NF1: variants seen among roughly 807,000 people sequenced by gnomAD.
NF1 encodes neurofibromin 1.
Under a neutral mutation model 325.7 loss-of-function variants are expected in NF1, and 122 were observed. The ratio of observed to expected loss-of-function variants is 0.37; its 90% confidence interval spans 0.32 to 0.44. The LOEUF is 0.44. Among genes scored for constraint, NF1 ranks in the 20% least tolerant of loss-of-function variants. The probability of loss-of-function intolerance (pLI) is 1.00; values close to 1 mark genes in which losing one functional copy is unlikely to be tolerated. For synonymous variants in NF1, 1,091 were observed against 1,186.0 expected, an observed-to-expected ratio of 0.92 and a Z score of 1.65; for missense variants, 2,140 against 3,415.4, an observed-to-expected ratio of 0.63 and a Z score of 9.31.
chr17:31,226,647 C>A lies in NF1; in HGVS notation c.2214C>A (p.Phe738Leu), dbSNP rs2151426083. 1 of 1,613,800 alleles carries A rather than the reference C, an allele frequency of 6.2e-7. No individual in the cohort carries two copies. Among genetic ancestry groups the A allele is most frequent in the Non-Finnish European group, 8.5e-7 (1 of 1,179,772 alleles). The change falls in exon 18 of 58, where the codon TTC (phenylalanine) becomes TTA (leucine). Residue 738 changes from phenylalanine (F) to leucine (L), a missense_variant. Phe to Leu is a conservative substitution (Grantham distance 22, BLOSUM62 0). Coordinates refer to ENST00000358273, the MANE Select transcript of NF1 (RefSeq NM_001042492.3). Reference sequence around the variant, plus strand: ...ACCTCTTGCCCAACTATAACACATTCATGGAGTTTGCCTCTGTCAGCAATA... The same window carrying A: ...ACCTCTTGCCCAACTATAACACATTAATGGAGTTTGCCTCTGTCAGCAATA... ...VHNLLPNYNTFMEFASVSNMM... is the reference protein window; with the variant it reads ...VHNLLPNYNTLMEFASVSNMM...
At chr17:31,160,286 C>T (rs905505310) in intron 3 of NF1, among the ~76,000 whole-genome samples, 2 of 152,094 alleles carry the variant, frequency 1.3e-5, no homozygotes, top group Admixed American at 6.6e-5. Flanking sequence ...TGGGGGTTCA[C>T]TATGTTGGTC....
chr17:31,122,506 C>T (rs926277055), intron 1 of NF1, among the ~76,000 whole-genome samples: 6 of 152,206 alleles, frequency 3.9e-5, no homozygotes, highest in African/African-American at 1.4e-4. Flanking sequence ...CAAATGCCCT[C>T]AACTGCTTTA....
At position 31,161,300 on chromosome 17, in the gene NF1, A is replaced by G. The variant is rs138085037; in HGVS notation, c.289-1886A>G. On this transcript the variant is annotated intron_variant, in intron 3 of 57. Coordinates refer to ENST00000358273, the MANE Select transcript of NF1 (RefSeq NM_001042492.3). Reference sequence around the variant, plus strand: ...GTTAGCCTATAAACAAGAAATAGGCATTGTAATGTGAATTCACAGGTTTTT... The same window carrying G: ...GTTAGCCTATAAACAAGAAATAGGCGTTGTAATGTGAATTCACAGGTTTTT... 3.5e-3 allele frequency among the ~76,000 whole-genome samples: 538 copies of G among 152,330 alleles called. 1 individual carries two copies. The highest frequency in any genetic ancestry group is 5.3e-3 in the Non-Finnish European group (359 of 68,022).
intron 8 of NF1, 75 bp downstream of exon 8, chr17:31,182,740 A>G (rs1437202305): frequency 7.2e-7 from 1 of 1,392,802 alleles, no homozygotes; most frequent in Non-Finnish European, 1.0e-6. Context: ...GTATTACTTT[A>G]GGCTTATTAT....
rs1438161746 is a variant in NF1, at chr17:31,225,107, A to C, written c.1858A>C (p.Ser620Arg). The change falls in exon 17 of 58, where the codon AGT becomes CGT. Residue 620 changes from serine to arginine, a missense_variant. By Grantham distance (110) the Ser-to-Arg change is moderately radical. Around this residue, in one of 10 missense-constraint regions of NF1, gnomAD observed 45 missense variants for 42.5 expected, o/e 1.06. Coordinates refer to ENST00000358273, the MANE Select transcript of NF1 (RefSeq NM_001042492.3). ...TATTTTTTTCTAGCAGGCAGATAGA[A>C]GTTCCTGTCACTTTCTCCTTTTTTA... ...FLLKNKQADR[S>R]SCHFLLFYGV... The C allele has an allele frequency of 6.2e-7, 1 of 1,613,710 alleles. No individual in the cohort carries two copies. The highest frequency in any genetic ancestry group is 1.1e-5 in the South Asian group (1 of 91,074).
chr17:31,109,946 C>T (rs1361210167), intron 1 of NF1, among the ~76,000 whole-genome samples: 2 of 152,024 alleles, frequency 1.3e-5, no homozygotes, highest in Non-Finnish European at 2.9e-5. Flanking sequence ...CTTATAAATA[C>T]TGAGCTGTGG....
At chr17:31,250,722 G>A (rs1027951222) in intron 30 of NF1, 1 of 189,606 alleles carries the variant, frequency 5.3e-6, no homozygotes, top group African/African-American at 2.3e-5. Flanking sequence ...TCCCACCTAA[G>A]TAAACAAGAT....
chr17:31,120,443 G>T (rs1452572637), intron 1 of NF1, among the ~76,000 whole-genome samples: 3 of 152,094 alleles, frequency 2.0e-5, no homozygotes, highest in African/African-American at 7.2e-5. Flanking sequence ...TGTGATTTTT[G>T]CACATTGATT....
At chr17:31,301,237 G>A (rs564617817) in intron 36 of NF1, among the ~76,000 whole-genome samples, 9 of 151,916 alleles carry the variant, frequency 5.9e-5, no homozygotes, top group Admixed American at 3.3e-4. Context: ...GTTTTTTCCC[G>A]CTTCCAGATT....
chr17:31,321,019 TAAAC>T (rs927182214), intron 36 of NF1: 2 of 152,154 alleles, frequency 1.3e-5, no homozygotes, highest in African/African-American at 2.4e-5. Context: ...AGTGCCCAAA[TAAAC>T]AAACTGTATG....
At position 31,156,090 on chromosome 17, in the gene NF1, C is replaced by T. The variant is rs17881168; in HGVS notation, c.168C>T (p.Ser56=). The T allele has an allele frequency of 0.019, 30,904 of 1,613,212 alleles. 328 individuals are homozygous for T. The highest frequency in any genetic ancestry group is 0.024 in the Non-Finnish European group (27,866 of 1,179,580). ...ISKYKFSLVI[S]GLTTILKNVN... is the part of the protein sequence containing the mutation. The stretch of plus-strand genomic sequence containing the variant: ...AATACAAGTTTTCTTTGGTTATAAG[C>T]GGCCTCACTACTATTTTAAAGAATG... The change falls in exon 2 of 58, where the codon AGC becomes AGT. Residue 56 remains serine (S), a synonymous_variant. Transcript: ENST00000358273.
chr17:31,242,109 A>C (rs1292471171), intron 29 of NF1, among the ~76,000 whole-genome samples: 1 of 151,346 alleles, frequency 6.6e-6, no homozygotes, highest in Non-Finnish European at 1.5e-5. Flanking sequence ...GGGGCCAGAC[A>C]TATTGGAGCT....
chr17:31,226,622 A>C lies in NF1; in HGVS notation c.2189A>C (p.Asn730Thr), dbSNP rs778033578. 3.7e-6 allele frequency: 6 copies of C among 1,613,800 alleles called. No homozygotes were observed. Among genetic ancestry groups the C allele is most frequent in the Non-Finnish European group, 5.1e-6 (6 of 1,179,780 alleles). The part of the protein sequence containing the change: ...RCGVDEVSVH[N>T]LLPNYNTFME... ...GGGGTGGATGAAGTGTCAGTGCATAACCTCTTGCCCAACTATAACACATTC... is the reference window on the plus strand; with the variant it reads ...GGGGTGGATGAAGTGTCAGTGCATACCCTCTTGCCCAACTATAACACATTC... Residue 730 changes from asparagine (N) to threonine (T), a missense_variant, in exon 18 of 58, where the codon AAC (asparagine) becomes ACC (threonine). Asn to Thr is a moderately conservative substitution (Grantham distance 65). Transcript: ENST00000358273.
intron 15 of NF1, chr17:31,222,306 T>G: frequency 9.6e-7 from 1 of 1,044,676 alleles, no homozygotes; most frequent in South Asian, 4.6e-5. Context: ...TGAACTATGA[T>G]CTTTCATAAA....
Position 31,325,882 on chromosome 17 carries a change from C to G in NF1, c.4898C>G (p.Pro1633Arg), listed in dbSNP as rs2151537698. ...LIYHVLLTLK[P>R]YYAKPYEIVV... ...TACCATGTCTTACTGACTTTAAAGC[C>G]ATATTATGCAAAGCCATATGAAATT... The change falls in exon 37 of 58, where the codon CCA becomes CGA. Residue 1633 changes from proline (P) to arginine (R), a missense_variant. Pro to Arg is a moderately radical substitution (Grantham distance 103). Around this residue, in one of 10 missense-constraint regions of NF1, gnomAD observed 103 missense variants for 214.6 expected, o/e 0.48. Coordinates refer to ENST00000358273, the MANE Select transcript of NF1 (RefSeq NM_001042492.3). The G allele has an allele frequency of 6.2e-7, 1 of 1,614,114 alleles. No individual in the cohort carries two copies. The highest frequency in any genetic ancestry group is 8.5e-7 in the Non-Finnish European group (1 of 1,180,002).
chr17:31,123,835 C>T (rs568787596), intron 1 of NF1, among the ~76,000 whole-genome samples: 9 of 152,086 alleles, frequency 5.9e-5, no homozygotes, highest in East Asian at 1.9e-4. Flanking sequence ...CCAGCTTGGG[C>T]GATAGTGGCA....
rs767059173 is a variant in NF1 at position 31,374,428 on chromosome 17, A to C, written c.*273A>C. 2.0e-6 allele frequency: 1 copy of C among 501,012 alleles called. No homozygotes were observed. Among genetic ancestry groups the C allele is most frequent in the Non-Finnish European group, 3.6e-6 (1 of 275,240 alleles). 31.0% of individuals were successfully genotyped at this position (501,012 alleles called of 1,614,324 possible). ...ACTGCAAAGAAAGTGGGAGGTCAGG[A>C]AACTTTTAACTGAGAAATCTCAATT... On this transcript the variant is annotated 3_prime_UTR_variant, in exon 58 of 58. Transcript: ENST00000358273.
chr17:31,324,233 A>G (rs916481250), intron 36 of NF1, among the ~76,000 whole-genome samples: 5 of 151,772 alleles, frequency 3.3e-5, no homozygotes, highest in African/African-American at 7.3e-5. Flanking sequence ...CGCCCAGCTA[A>G]TTTTTGTATT....
chr17:31,200,647 T>A (rs760436049), intron 9 of NF1, 52 bp downstream of exon 9: 27 of 1,576,326 alleles, frequency 1.7e-5, no homozygotes, highest in Non-Finnish European at 2.4e-5. Flanking sequence ...TTAAATGAAT[T>A]TTCTAGCATA....
Sources: gnomAD v4.1 joint callset for allele counts (sites outside exome capture counted in the v4.1 genomes callset) on GRCh38, gnomAD v4.1.1 for gene constraint, gnomAD v4.1.1 regional missense constraint, MANE v1.5 for transcripts, NCBI Gene and HGNC (gene_info 2026-07-23, HGNC 2026-07-21) for gene names.